The following CAMTA2 variants were observed in gnomAD, a reference collection of about 807,000 sequenced individuals.
CAMTA2 encodes calmodulin binding transcription activator 2.
Under a neutral mutation model 135.7 loss-of-function variants are expected in CAMTA2, and 56 were observed. The observed-to-expected ratio is 0.41, with a 90% CI of 0.33 to 0.52. CAMTA2 has a LOEUF of 0.52. Ranked by LOEUF, CAMTA2 falls within the 20% of genes least tolerant of loss-of-function variation. The pLI, the probability that CAMTA2 is intolerant of heterozygous loss-of-function variation, is 0.16. For missense variants in CAMTA2, 1,358 were observed against 1,553.4 expected, an observed-to-expected ratio of 0.87 and a Z score of 2.11; for synonymous variants, 591 against 604.6, an observed-to-expected ratio of 0.98 and a Z score of 0.33.
chr17:4,981,272 G>T lies in CAMTA2; in HGVS notation c.653C>A (p.Thr218Asn). ...LVQQILDTHP[T>N]KPAPRTHACL... ...GGCGTGGGTTCGGGGAGCAGGCTTG[G>T]TTGGGTGGGTGTCCAAAATCTGCTG... is the stretch of plus-strand genomic sequence containing the variant. The change falls in exon 8 of 23, where the codon ACC (threonine) becomes AAC (asparagine). Residue 218 changes from threonine (T) to asparagine (N), a missense_variant. This residue lies in a region of CAMTA2 where 1,077 missense variants were observed against 1,127.5 expected (regional missense o/e 0.96). Coordinates refer to ENST00000348066, the MANE Select transcript of CAMTA2 (RefSeq NM_015099.4). 2 of 1,614,154 alleles carry T rather than the reference G, an allele frequency of 1.2e-6. No individual in the cohort carries two copies. Among genetic ancestry groups the T allele is most frequent in the Non-Finnish European group, 1.7e-6 (2 of 1,180,010 alleles).
In CAMTA2 at chr17:4,969,101, A is replaced by C; in HGVS notation, c.3470+49T>G. On this transcript the variant is annotated intron_variant, in intron 21 of 22. Coordinates refer to ENST00000348066, the MANE Select transcript of CAMTA2 (RefSeq NM_015099.4). This position sits in a 1 kb window ranked among gnomAD's most constrained non-coding sequence, Gnocchi z 5.6. ...TGATCAAGAGGATGAGTAAGGGGGA[A>C]TGGCGTGGATGCAGTGGGTGGGCAC... The C allele has an allele frequency of 6.3e-7, 1 of 1,579,996 alleles. No homozygotes were observed. The highest frequency in any genetic ancestry group is 2.2e-5 in the East Asian group (1 of 44,660).
chr17:4,978,762 G>T, intron 9 of CAMTA2, 132 bp from the exon 10 acceptor site: 1 of 981,454 alleles, frequency 1.0e-6, no homozygotes, highest in Non-Finnish European at 1.5e-6. Context: ...TCCAGGGATA[G>T]ACAGGACCCA....
chr17:4,974,237 G>A (rs1331373516), intron 12 of CAMTA2, 148 bp downstream of exon 12: 3 of 618,092 alleles, frequency 4.9e-6, no homozygotes, highest in Non-Finnish European at 8.7e-6. Flanking sequence ...AGGTGGGGAT[G>A]GGAACAGGGT....
At position 4,980,519 on chromosome 17, in the gene CAMTA2, T is replaced by C. The variant is rs1432511470; in HGVS notation, c.803A>G (p.His268Arg). The C allele has an allele frequency of 6.9e-7, 1 of 1,446,518 alleles. No individual in the cohort carries two copies. The highest frequency in any genetic ancestry group is 1.9e-5 in the African/African-American group (1 of 53,812). The allele number at this position is 1,446,518 out of a possible 1,614,324, so 89.6% of individuals were successfully genotyped here. The change falls in exon 9 of 23, where the codon CAC becomes CGC. Residue 268 changes from histidine to arginine, a missense_variant. By Grantham distance (29) the His-to-Arg change is conservative (BLOSUM62 0). This residue lies in a region of CAMTA2 where 1,077 missense variants were observed against 1,127.5 expected (regional missense o/e 0.96). Transcript: ENST00000348066. The surrounding 1 kb of genome is among the most constrained non-coding windows in gnomAD (Gnocchi z 5.3). ...TATCAGTGGAGGAGGCTCTGGGGGG[T>C]GAGCGTGGGGGATAGAGGTCAGGGT... ...ALTLTSIPHA[H>R]PPEPPPLIAP...
chr17:4,971,193 T>G (rs1972263288), intron 16 of CAMTA2, among the ~76,000 whole-genome samples: 1 of 152,198 alleles, frequency 6.6e-6, no homozygotes, highest in Non-Finnish European at 1.5e-5. Flanking sequence ...TGTGCAAGCC[T>G]CCTTCCTGCA....
rs764438924 is a variant in CAMTA2 at position 4,981,268 on chromosome 17, C to G, written c.657G>C (p.Lys219Asn). 2 of 1,614,116 alleles carry G rather than the reference C, an allele frequency of 1.2e-6. No homozygotes were observed. Among genetic ancestry groups the G allele is most frequent in the Non-Finnish European group, 1.7e-6 (2 of 1,180,012 alleles). The part of the protein sequence containing the change: ...VQQILDTHPT[K>N]PAPRTHACLC... Reference sequence around the variant, plus strand: ...GACAGGCGTGGGTTCGGGGAGCAGGCTTGGTTGGGTGGGTGTCCAAAATCT... The same window carrying G: ...GACAGGCGTGGGTTCGGGGAGCAGGGTTGGTTGGGTGGGTGTCCAAAATCT... Residue 219 changes from lysine to asparagine, a missense_variant, in exon 8 of 23, where the codon AAG (lysine) becomes AAC (asparagine). Lys to Asn is a moderately conservative substitution (Grantham distance 94, BLOSUM62 0). Around this residue, in one of 4 missense-constraint regions of CAMTA2, gnomAD observed 1,077 missense variants for 1,127.5 expected, o/e 0.96. Transcript: ENST00000348066.
Position 4,981,743 on chromosome 17 carries a change from C to T in CAMTA2, c.500G>A (p.Ser167Asn). 3.1e-6 allele frequency: 5 copies of T among 1,613,796 alleles called. No homozygotes were observed. Among genetic ancestry groups the T allele is most frequent in the Non-Finnish European group, 4.2e-6 (5 of 1,179,812 alleles). Residue 167 changes from serine (S) to asparagine (N), a missense_variant, in exon 7 of 23, where the codon AGC (serine) becomes AAC (asparagine). Ser to Asn is a conservative substitution (Grantham distance 46). Around this residue, in one of 4 missense-constraint regions of CAMTA2, gnomAD observed 1,077 missense variants for 1,127.5 expected, o/e 0.96. Transcript: ENST00000348066. ...CTTCAGCCACTCTCGACGGTCGCTGCTGATGGAACAAAAGATGGGGCTGCA... is the reference window on the plus strand; with the variant it reads ...CTTCAGCCACTCTCGACGGTCGCTGTTGATGGAACAAAAGATGGGGCTGCA... The part of the protein sequence containing the change: ...KGCSPIFCSI[S>N]SDRREWLKWS...
At chr17:4,981,969 TCTTCTTC>T in intron 6 of CAMTA2, 113 bp downstream of exon 6, 3 of 1,265,000 alleles carry the variant, frequency 2.4e-6, no homozygotes, top group Non-Finnish European at 3.4e-6. Context: ...AGCCCCTTTC[TCTTCTTC>T]CCAGGCTCCT....
intron 11 of CAMTA2, 144 bp from the exon 12 acceptor site, chr17:4,974,644 T>G: frequency 1.7e-6 from 1 of 604,848 alleles, no homozygotes; most frequent in Non-Finnish European, 3.0e-6. Flanking sequence ...CCTTTACCCC[T>G]TCACCTAAAT....
At position 4,969,167 on chromosome 17, in the gene CAMTA2, G is replaced by A; in HGVS notation, c.3453C>T (p.Thr1151=). The A allele has an allele frequency of 1.2e-6, 2 of 1,608,372 alleles. No individual in the cohort carries two copies. The highest frequency in any genetic ancestry group is 1.3e-5 in the African/African-American group (1 of 74,974). Residue 1151 remains threonine (T), a synonymous_variant, in exon 21 of 23, where the codon ACC becomes ACT. Coordinates refer to ENST00000348066, the MANE Select transcript of CAMTA2 (RefSeq NM_015099.4). This position sits in a 1 kb window ranked among gnomAD's most constrained non-coding sequence, Gnocchi z 5.6. ...RPGPPHRTSA[T]LPARNKGSFL... The stretch of plus-strand genomic sequence containing the variant: ...GGCCCTACTTGTTGCGGGCAGGCAG[G>A]GTGGCCGAAGTCCGGTGGGGAGGGC...
chr17:4,983,311 TC>T (rs1281378231), intron 3 of CAMTA2: 1 of 371,514 alleles, frequency 2.7e-6, no homozygotes, highest in African/African-American at 2.1e-5. Flanking sequence ...AGATGGAGTT[TC>T]ACTCTTGTTG....
Position 4,980,377 on chromosome 17 carries a change from T to G in CAMTA2, c.945A>C (p.Arg315=). 1 of 1,613,912 alleles carries G rather than the reference T, an allele frequency of 6.2e-7. No individual in the cohort carries two copies. The highest frequency in any genetic ancestry group is 8.5e-7 in the Non-Finnish European group (1 of 1,179,932). Residue 315 remains arginine, a synonymous_variant, in exon 9 of 23, where the codon CGA becomes CGC. Transcript: ENST00000348066. The surrounding 1 kb of genome is among the most constrained non-coding windows in gnomAD (Gnocchi z 5.3). ...LEIRPSPPTS[R]GGSSRGGTAI... ...CAGTGCCTCCTCTTGAAGAACCCCC[T>G]CGAGAAGTGGGAGGGCTAGGTCTGA...
chr17:4,987,239 C>T, intron 1 of CAMTA2: 7 of 1,336,610 alleles, frequency 5.2e-6, no homozygotes, highest in Non-Finnish European at 6.7e-6. Flanking sequence ...CTCTGGGCGG[C>T]CCCCCGGCGG....
At chr17:4,981,037 G>A (rs17707070) in intron 8 of CAMTA2, among the ~76,000 whole-genome samples, 188 bp downstream of exon 8, 13,497 of 152,256 alleles carry the variant, frequency 0.089, 766 homozygotes, top group Non-Finnish European at 0.12. Flanking sequence ...TGACAGCTGA[G>A]TGCAAGGCTG....
At chr17:4,979,049 C>T (rs530215178) in intron 9 of CAMTA2, among the ~76,000 whole-genome samples, 3 of 152,322 alleles carry the variant, frequency 2.0e-5, no homozygotes, top group African/African-American at 7.2e-5. Context: ...TTCTTTTCTT[C>T]TCCAGGCTGC....
At chr17:4,972,662 C>A in intron 15 of CAMTA2, 107 bp downstream of exon 15, 1 of 1,425,268 alleles carries the variant, frequency 7.0e-7, no homozygotes, top group Admixed American at 1.7e-5. Context: ...CCATCCCTGC[C>A]TCTGTGGTTT....
Position 4,986,290 on chromosome 17 carries a change from G to A in CAMTA2, c.-64-4C>T, listed in dbSNP as rs761499668. On this transcript the variant is annotated splice_region_variant and splice_polypyrimidine_tract_variant and intron_variant, in intron 1 of 22. Transcript: ENST00000348066. ...CCGGGGGGAGGGGGAGTCTGTGCTG[G>A]GAAGGGAGAGAACAAGGTCATGGCA... The A allele has an allele frequency of 2.3e-6, 3 of 1,280,830 alleles. No individual in the cohort carries two copies. Among genetic ancestry groups the A allele is most frequent in the African/African-American group, 3.0e-5 (2 of 67,000 alleles). 79.3% of individuals were successfully genotyped at this position (1,280,830 alleles called of 1,614,324 possible).
intron 3 of CAMTA2, 125 bp from the exon 4 acceptor site, chr17:4,983,168 G>C: frequency 2.5e-6 from 2 of 793,308 alleles, no homozygotes; most frequent in South Asian, 2.9e-5. Context: ...ATGCTTCTAG[G>C]TATCTGGACC....
intron 3 of CAMTA2, among the ~76,000 whole-genome samples, chr17:4,985,170 G>A (rs2143069388): frequency 6.6e-6 from 1 of 152,254 alleles, no homozygotes; most frequent in East Asian, 1.9e-4. Flanking sequence ...TGGGCAACAA[G>A]AGCGAGACTC....
Sources: allele counts gnomAD v4.1 joint callset (sites outside exome capture counted in the v4.1 genomes callset), GRCh38; gene constraint gnomAD v4.1.1; regional missense constraint gnomAD v4.1.1; non-coding constraint Gnocchi (gnomAD v3.1); transcripts MANE v1.5; gene names NCBI Gene and HGNC (gene_info 2026-07-23, HGNC 2026-07-21).